Variants in TP53BP1 observed in about 807,000 individuals in gnomAD.
TP53BP1 encodes the protein tumor protein p53 binding protein 1.
TP53BP1 carries 61 observed loss-of-function variants against 200.8 expected under a neutral mutation model. The observed-to-expected ratio is 0.30, with a 90% CI of 0.25 to 0.38. The LOEUF is 0.38. Among genes scored for constraint, TP53BP1 ranks in the 10% least tolerant of loss-of-function variants. The probability of loss-of-function intolerance (pLI) is 1.00; values close to 1 mark genes in which losing one functional copy is unlikely to be tolerated. For synonymous variants in TP53BP1, 822 were observed against 844.3 expected (o/e 0.97, Z 0.46); for missense variants, 2,144 against 2,371.9 (o/e 0.90, Z 2.00).
rs555858381 is a variant in TP53BP1 at position 43,457,970 on chromosome 15, G to A, written c.1390-752C>T. 5.3e-5 allele frequency among the ~76,000 whole-genome samples: 8 copies of A among 152,134 alleles called. No individual in the cohort carries two copies. The South Asian group carries it at 1.7e-3, about 32-fold the overall frequency. On this transcript the variant is annotated intron_variant, in intron 11 of 27. Transcript: ENST00000382044. The stretch of plus-strand genomic sequence containing the variant: ...GGAGGCAGAGGTTGCAGTGAGCCAA[G>A]ATCGTGTCATTGCACTCCAGTCTGG...
intron 11 of TP53BP1, among the ~76,000 whole-genome samples, chr15:43,459,669 CTT>C (rs879655790): frequency 4.2e-5 from 6 of 144,094 alleles, no homozygotes. Flanking sequence ...TCTTTTTTTT[CTT>C]TTTTTTTTTT....
At chr15:43,458,128 C>T (rs546290537) in intron 11 of TP53BP1, among the ~76,000 whole-genome samples, 7 of 152,058 alleles carry the variant, frequency 4.6e-5, no homozygotes, top group Non-Finnish European at 5.9e-5. Flanking sequence ...TACCACTACA[C>T]GCAACAAAAG....
chr15:43,436,090 C>T (rs904319024), intron 16 of TP53BP1, among the ~76,000 whole-genome samples: 4 of 151,904 alleles, frequency 2.6e-5, no homozygotes, highest in East Asian at 1.9e-4. Flanking sequence ...CTCCTGGGCT[C>T]GAGCCATTCT....
In TP53BP1 at chr15:43,405,227, C is replaced by T. The variant is rs935621091; in HGVS notation, c.*2156G>A. The T allele has an allele frequency of 1.1e-5, 17 of 1,613,904 alleles. No homozygotes were observed. The Admixed American group carries it at 1.8e-4, about 17-fold the overall frequency. On this transcript the variant is annotated 3_prime_UTR_variant, in exon 28 of 28. Coordinates refer to ENST00000382044, the MANE Select transcript of TP53BP1 (RefSeq NM_001141980.3). The stretch of plus-strand genomic sequence containing the variant: ...TTTCGGGATGTGAAAATTTCTGGCT[C>T]ATAAATTGAAATAACAGCCACGTTC...
At chr15:43,447,625 T>C (rs2046074648) in intron 12 of TP53BP1, 140 bp from the exon 13 acceptor site, 1 of 809,948 alleles carries the variant, frequency 1.2e-6, no homozygotes. Flanking sequence ...TTCTGTCTCA[T>C]TGCCACCACC....
Position 43,456,562 on chromosome 15 carries a change from C to T in TP53BP1, c.2046G>A (p.Glu682=), listed in dbSNP as rs779859516. Residue 682 remains glutamate, a synonymous_variant, in exon 12 of 28, where the codon GAG becomes GAA. Coordinates refer to ENST00000382044, the MANE Select transcript of TP53BP1 (RefSeq NM_001141980.3). ...TCTCCATATTTTCTTCTTTGAGTTCCTCTCCTTGACTTTCACAAGGTGTCT... is the reference window on the plus strand; with the variant it reads ...TCTCCATATTTTCTTCTTTGAGTTCTTCTCCTTGACTTTCACAAGGTGTCT... ...IPETPCESQG[E]ELKEENMESV... is the part of the protein sequence containing the mutation. The T allele has an allele frequency of 6.2e-6, 10 of 1,613,068 alleles. No homozygotes were observed. Among genetic ancestry groups the T allele is most frequent in the African/African-American group, 1.3e-5 (1 of 74,826 alleles).
At chr15:43,425,734 G>A (rs2045513352) in intron 18 of TP53BP1, among the ~76,000 whole-genome samples, 1 of 152,210 alleles carries the variant, frequency 6.6e-6, no homozygotes, top group South Asian at 2.1e-4. Flanking sequence ...AAATTTTCAT[G>A]AAGGCAAACT....
chr15:43,441,471 C>T (rs760882558), intron 15 of TP53BP1, 55 bp downstream of exon 15: 71 of 1,138,140 alleles, frequency 6.2e-5, no homozygotes, highest in Non-Finnish European at 8.6e-5. Context: ...AAACCATCTA[C>T]CCTCATCACC....
chr15:43,428,212 G>A, intron 17 of TP53BP1, 44 bp from the exon 18 acceptor site: 1 of 1,569,414 alleles, frequency 6.4e-7, no homozygotes, highest in Non-Finnish European at 8.7e-7. Flanking sequence ...CTCACTGCAA[G>A]CTGTCAAAAT....
At chr15:43,452,766 TAATAA>T (rs2046200227) in intron 12 of TP53BP1, among the ~76,000 whole-genome samples, 1 of 152,190 alleles carries the variant, frequency 6.6e-6, no homozygotes, top group South Asian at 2.1e-4. Context: ...ATATTAATGT[TAATAA>T]AATAATAAGT....
At chr15:43,460,977 C>T (rs1270920825) in intron 11 of TP53BP1, among the ~76,000 whole-genome samples, 1 of 151,224 alleles carries the variant, frequency 6.6e-6, no homozygotes, top group Non-Finnish European at 1.5e-5. Context: ...GCACTCCAGC[C>T]TGTACAACAG....
chr15:43,452,418 C>G (rs1415267535), intron 12 of TP53BP1, among the ~76,000 whole-genome samples: 2 of 151,992 alleles, frequency 1.3e-5, no homozygotes, highest in South Asian at 2.1e-4. Context: ...ATCAGCCAAG[C>G]ATGCTGGTAC....
intron 4 of TP53BP1, among the ~76,000 whole-genome samples, chr15:43,486,791 T>C (rs570035797): frequency 6.6e-6 from 1 of 152,044 alleles, no homozygotes; most frequent in African/African-American, 2.4e-5. Context: ...GCCCAGCTAA[T>C]TTTTTTGTAT....
At position 43,405,031 on chromosome 15, in the gene TP53BP1, A is replaced by C. The variant is rs1395902740; in HGVS notation, c.*2352T>G. 2 of 695,310 alleles carry C rather than the reference A, an allele frequency of 2.9e-6. No individual in the cohort carries two copies. Among genetic ancestry groups the C allele is most frequent in the Admixed American group, 3.0e-5 (1 of 33,226 alleles). The allele number at this position is 695,310 out of a possible 1,614,324, so 43.1% of individuals were successfully genotyped here. ...AATCACTTCATTGTCCTTTCTCTCT[A>C]AAATGTCTGCAAGCAGATTTTTTTC... On this transcript the variant is annotated 3_prime_UTR_variant, in exon 28 of 28. Coordinates refer to ENST00000382044, the MANE Select transcript of TP53BP1 (RefSeq NM_001141980.3).
chr15:43,479,499 T>C lies in TP53BP1; in HGVS notation c.686A>G (p.Glu229Gly). The change falls in exon 7 of 28, where the codon GAA becomes GGA. Residue 229 changes from glutamate (E) to glycine (G), a missense_variant. Coordinates refer to ENST00000382044, the MANE Select transcript of TP53BP1 (RefSeq NM_001141980.3). ...TAIKHEEQSNEDIPIAEQSSK... is the reference protein window; with the variant it reads ...TAIKHEEQSNGDIPIAEQSSK... ...GGACTGTTCTGCTATGGGGATATCT[T>C]CGTTGGACTGTTCTTCATGCTTAAT... 6.2e-7 allele frequency: 1 copy of C among 1,613,086 alleles called. No homozygotes were observed. The highest frequency in any genetic ancestry group is 8.5e-7 in the Non-Finnish European group (1 of 1,179,682).
intron 1 of TP53BP1, among the ~76,000 whole-genome samples, chr15:43,508,827 A>G (rs1595640839): frequency 6.6e-6 from 1 of 152,156 alleles, no homozygotes; most frequent in Non-Finnish European, 1.5e-5. Flanking sequence ...TTTTAGTACT[A>G]TCATAATCTA....
chr15:43,471,641 T>G (rs2046728401), intron 10 of TP53BP1, among the ~76,000 whole-genome samples: 1 of 152,210 alleles, frequency 6.6e-6, no homozygotes, highest in East Asian at 1.9e-4. Flanking sequence ...GTGGCCAGGC[T>G]GGTCTCAAAC....
At chr15:43,408,723 T>C (rs1194179176) in intron 26 of TP53BP1, 174 bp downstream of exon 26, 6 of 634,776 alleles carry the variant, frequency 9.5e-6, no homozygotes, top group Non-Finnish European at 1.6e-5. Context: ...TCCTAGCCAA[T>C]GTAACCTAGG....
intron 24 of TP53BP1, chr15:43,412,835 C>T (rs924849242): frequency 1.9e-6 from 1 of 532,660 alleles, no homozygotes; most frequent in Non-Finnish European, 3.7e-6. Flanking sequence ...ATTATTTAAC[C>T]TTTAACCTCT....
Sources: gnomAD v4.1 joint callset for allele counts (sites outside exome capture counted in the v4.1 genomes callset) on GRCh38, gnomAD v4.1.1 for gene constraint, MANE v1.5 for transcripts, NCBI Gene and HGNC (gene_info 2026-07-23, HGNC 2026-07-21) for gene names.